The following RAD23B variants were observed in gnomAD, a reference collection of about 807,000 sequenced individuals.
RAD23B encodes the protein lysine-specific demethylase RAD23B.
RAD23B carries 5 observed loss-of-function variants against 49.1 expected under a neutral mutation model. The observed-to-expected ratio is 0.10, with a 90% CI of 0.05 to 0.21. The LOEUF is 0.21. Ranked by LOEUF, RAD23B falls within the 10% of genes least tolerant of loss-of-function variation. RAD23B has a pLI of 1.00. For synonymous variants in RAD23B, 184 were observed against 165.4 expected, an observed-to-expected ratio of 1.11 and a Z score of -0.86; for missense variants, 356 against 486.7, an observed-to-expected ratio of 0.73 and a Z score of 2.53.
intron 3 of RAD23B, among the ~76,000 whole-genome samples, chr9:107,305,129 A>G (rs1237071535): frequency 6.6e-6 from 1 of 151,962 alleles, no homozygotes; most frequent in Non-Finnish European, 1.5e-5. Context: ...TCTCTACAAA[A>G]AAAAAAAATA....
At chr9:107,322,359 A>G (rs1443429876) in intron 7 of RAD23B, among the ~76,000 whole-genome samples, 2 of 152,156 alleles carry the variant, frequency 1.3e-5, no homozygotes, top group Non-Finnish European at 2.9e-5. Flanking sequence ...ATTCTGTTTT[A>G]TTTGTTTTAA....
chr9:107,293,543 C>A (rs1259507414), intron 1 of RAD23B, among the ~76,000 whole-genome samples: 8 of 151,990 alleles, frequency 5.3e-5, no homozygotes, highest in Admixed American at 3.3e-4. Context: ...TATATAGTTA[C>A]AACAGTAATA....
chr9:107,284,119 A>T, intron 1 of RAD23B: 1 of 995,568 alleles, frequency 1.0e-6, no homozygotes, highest in African/African-American at 1.7e-5. Flanking sequence ...CTTAGTTCCC[A>T]GAGTTGGTAA....
At position 107,300,149 on chromosome 9, in the gene RAD23B, A is replaced by G. The variant is rs1250534573; in HGVS notation, c.75A>G (p.Ala25=). Residue 25 remains alanine (A), a synonymous_variant, in exon 2 of 10, where the codon GCA becomes GCG. Transcript: ENST00000358015. ...IDIDPEETVK[A]LKEKIESEKG... ...CTTTATTTTTCCTATAGGTGAAAGC[A>G]CTGAAAGAGAAGATTGAATCTGAAA... is the stretch of plus-strand genomic sequence containing the variant. The G allele has an allele frequency of 6.2e-7, 1 of 1,606,554 alleles. No homozygotes were observed. Among genetic ancestry groups the G allele is most frequent in the Non-Finnish European group, 8.5e-7 (1 of 1,176,918 alleles).
Position 107,331,649 on chromosome 9 carries a change from G to T in RAD23B, c.*1993G>T. Reference sequence around the variant, plus strand: ...AATGGAATACTCTCATTTATTTTATGACATTCTCTGTCTACTCAGATCATA... The same window carrying T: ...AATGGAATACTCTCATTTATTTTATTACATTCTCTGTCTACTCAGATCATA... On this transcript the variant is annotated 3_prime_UTR_variant, in exon 10 of 10. Coordinates refer to ENST00000358015, the MANE Select transcript of RAD23B (RefSeq NM_002874.5). 1.3e-6 allele frequency: 1 copy of T among 768,138 alleles called. No homozygotes were observed. Among genetic ancestry groups the T allele is most frequent in the South Asian group, 1.4e-5 (1 of 71,370 alleles). 47.6% of individuals were successfully genotyped at this position (768,138 alleles called of 1,614,324 possible). A position where few individuals can be genotyped will look rare whatever the true frequency, so the allele number is the denominator to read the frequency against.
rs533971599 is a variant in RAD23B, at chr9:107,294,558, C to T, written c.67-5583C>T. 1.1e-4 allele frequency among the ~76,000 whole-genome samples: 16 copies of T among 152,324 alleles called. 1 individual carries two copies. Among genetic ancestry groups the T allele is most frequent in the African/African-American group, 2.9e-4 (12 of 41,564 alleles). On this transcript the variant is annotated intron_variant, in intron 1 of 9. Transcript: ENST00000358015. ...CCTTGTGCTGAGTTCATACCTCTTC[C>T]TTTGAAGCATCCAGAAAGAAGGCAG... is the stretch of plus-strand genomic sequence containing the variant.
intron 7 of RAD23B, 63 bp from the exon 8 acceptor site, chr9:107,323,827 A>C: frequency 6.9e-7 from 1 of 1,441,860 alleles, no homozygotes; most frequent in East Asian, 2.3e-5. Flanking sequence ...TAAATGTATT[A>C]TTTAACCACT....
In RAD23B at chr9:107,330,590, T is replaced by C. The variant is rs1827288860; in HGVS notation, c.*934T>C. On this transcript the variant is annotated 3_prime_UTR_variant, in exon 10 of 10. Transcript: ENST00000358015. This position sits in a 1 kb window ranked among gnomAD's most constrained non-coding sequence, Gnocchi z 4.4. Reference sequence around the variant, plus strand: ...ATCAGCAAGTCGTGAGTCAAACTGCTGCCTTTTAAAAAACCCACAAAATGC... The same window carrying C: ...ATCAGCAAGTCGTGAGTCAAACTGCCGCCTTTTAAAAAACCCACAAAATGC... 6.6e-6 allele frequency: 1 copy of C among 152,654 alleles called. No homozygotes were observed. Among genetic ancestry groups the C allele is most frequent in the South Asian group, 2.1e-4 (1 of 4,830 alleles). 9.5% of individuals were successfully genotyped at this position (152,654 alleles called of 1,614,324 possible).
intron 3 of RAD23B, among the ~76,000 whole-genome samples, chr9:107,306,054 T>C (rs1826759416): frequency 2.5e-5 from 1 of 39,278 alleles, no homozygotes; most frequent in East Asian, 1.9e-3. Flanking sequence ...TTTATATCTA[T>C]ATATATATAT....
At chr9:107,297,992 C>T (rs1826567184) in intron 1 of RAD23B, among the ~76,000 whole-genome samples, 1 of 152,178 alleles carries the variant, frequency 6.6e-6, no homozygotes, top group South Asian at 2.1e-4. Context: ...GCACCCACTC[C>T]ATGCCAAGCC....
intron 3 of RAD23B, among the ~76,000 whole-genome samples, chr9:107,303,461 A>G (rs954110656): frequency 1.3e-5 from 2 of 152,212 alleles, no homozygotes; most frequent in Non-Finnish European, 2.9e-5. Flanking sequence ...TTATATGTTA[A>G]GTTTAAAAAC....
intron 3 of RAD23B, among the ~76,000 whole-genome samples, chr9:107,305,155 G>T (rs1826736555): frequency 2.6e-5 from 4 of 152,104 alleles, no homozygotes; most frequent in Admixed American, 2.6e-4. Flanking sequence ...ATTTAGCAGG[G>T]AGTGGTAGTG....
chr9:107,308,113 C>T (rs1826815919), intron 4 of RAD23B, among the ~76,000 whole-genome samples: 1 of 149,838 alleles, frequency 6.7e-6, no homozygotes, highest in Non-Finnish European at 1.5e-5. Flanking sequence ...TTGCTTTAAG[C>T]TCCTTTTTAA....
intron 6 of RAD23B, among the ~76,000 whole-genome samples, chr9:107,320,734 A>AT: frequency 6.6e-6 from 1 of 152,320 alleles, no homozygotes; most frequent in South Asian, 2.1e-4. Flanking sequence ...ATAAAAGAGA[A>AT]TTTGATGGAC....
chr9:107,306,653 A>T lies in RAD23B; in HGVS notation c.497+6A>T. On this transcript the variant is annotated splice_donor_region_variant and intron_variant, in intron 4 of 9. Transcript: ENST00000358015. ...AGCCCAACAGCAACTGACAGGTAGG[A>T]ACTGGATTCTAGGACATTCTATCTC... 2 of 1,609,750 alleles carry T rather than the reference A, an allele frequency of 1.2e-6. No homozygotes were observed. Among genetic ancestry groups the T allele is most frequent in the African/African-American group, 2.7e-5 (2 of 74,802 alleles).
chr9:107,308,341 C>T (rs546218284), intron 4 of RAD23B, among the ~76,000 whole-genome samples: 84 of 152,070 alleles, frequency 5.5e-4, no homozygotes, highest in African/African-American at 2.0e-3. Flanking sequence ...GTCTCAGCCT[C>T]CTGAGTAGCT....
At chr9:107,299,922 T>C (rs182188736) in intron 1 of RAD23B, among the ~76,000 whole-genome samples, 58 of 152,182 alleles carry the variant, frequency 3.8e-4, no homozygotes, top group Admixed American at 3.7e-3. Flanking sequence ...TTTAAAAATC[T>C]GTGTGTATCA....
chr9:107,324,084 G>T (rs1385709370), intron 8 of RAD23B, 67 bp downstream of exon 8: 1 of 1,514,270 alleles, frequency 6.6e-7, no homozygotes, highest in East Asian at 2.3e-5. Flanking sequence ...GTCCATGAAC[G>T]GTCCTTCCCC....
chr9:107,302,137 A>G lies in RAD23B; in HGVS notation c.228+23A>G, dbSNP rs368650165. On this transcript the variant is annotated intron_variant, in intron 3 of 9. Coordinates refer to ENST00000358015, the MANE Select transcript of RAD23B (RefSeq NM_002874.5). ...AAAGTAAGTTTCAACCTCATTCTGT[A>G]TATCTTTATGCATGTAGGTCTTTTT... 9 of 1,610,548 alleles carry G rather than the reference A, an allele frequency of 5.6e-6. No homozygotes were observed. In the African/African-American group the frequency reaches 9.4e-5, roughly 17 times the overall value.
Sources: gnomAD v4.1 joint callset for allele counts (sites outside exome capture counted in the v4.1 genomes callset) on GRCh38, gnomAD v4.1.1 for gene constraint, Gnocchi (gnomAD v3.1) non-coding constraint, MANE v1.5 for transcripts, NCBI Gene and HGNC (gene_info 2026-07-23, HGNC 2026-07-21) for gene names.